Variants in TRPM2 observed in about 807,000 individuals in gnomAD.
The protein encoded by TRPM2 is estrogen-responsive element-associated gene 1 protein.
Under a neutral mutation model 174.0 loss-of-function variants are expected in TRPM2, and 161 were observed. The observed-to-expected ratio is 0.93, with a 90% CI of 0.81 to 1.05. The LOEUF (loss-of-function observed/expected upper bound fraction) is 1.05. Ranked by LOEUF, TRPM2 falls within the 50% of genes least tolerant of loss-of-function variation. The pLI, the probability that TRPM2 is intolerant of heterozygous loss-of-function variation, is 0.00. For synonymous variants in TRPM2, 954 were observed against 861.3 expected (o/e 1.11, Z -1.88); for missense variants, 2,057 against 2,038.0 (o/e 1.01, Z -0.18).
chr21:44,412,211 C>T (rs1238231380), intron 19 of TRPM2, among the ~76,000 whole-genome samples: 1 of 152,168 alleles, frequency 6.6e-6, no homozygotes, highest in East Asian at 1.9e-4. Context: ...CACCAGTGAA[C>T]TCCTCTGAGT....
At chr21:44,424,190 G>A (rs925791174) in intron 23 of TRPM2, among the ~76,000 whole-genome samples, 1 of 152,338 alleles carries the variant, frequency 6.6e-6, no homozygotes, top group African/African-American at 2.4e-5. Flanking sequence ...GGCAGCCCCT[G>A]CGGGCAGTGC....
intron 2 of TRPM2, among the ~76,000 whole-genome samples, chr21:44,357,089 CTG>C (rs1196269914): frequency 2.6e-5 from 4 of 152,174 alleles, no homozygotes; most frequent in South Asian, 2.1e-4. Flanking sequence ...TTGTCTCATC[CTG>C]TGACTTAGAA....
chr21:44,419,322 T>G (rs1049117264), intron 22 of TRPM2, among the ~76,000 whole-genome samples: 8 of 152,052 alleles, frequency 5.3e-5, no homozygotes, highest in African/African-American at 1.2e-4. Flanking sequence ...CTTAGAGACA[T>G]GTATGTACTC....
chr21:44,356,395 G>A (rs1056932272), intron 2 of TRPM2, among the ~76,000 whole-genome samples: 28 of 151,612 alleles, frequency 1.8e-4, no homozygotes, highest in African/African-American at 6.8e-4. Flanking sequence ...CCCCAAGGGC[G>A]GGTTCTTGGA....
At chr21:44,427,365 A>T (rs775943431) in intron 27 of TRPM2, among the ~76,000 whole-genome samples, 2 of 151,920 alleles carry the variant, frequency 1.3e-5, no homozygotes, top group East Asian at 3.9e-4. Flanking sequence ...GGGGACGTGG[A>T]TTTGTCTGTG....
At chr21:44,360,771 TGGTC>T (rs891521636) in intron 2 of TRPM2, among the ~76,000 whole-genome samples, 4 of 152,108 alleles carry the variant, frequency 2.6e-5, no homozygotes, top group African/African-American at 9.7e-5. Flanking sequence ...TTCACCATGT[TGGTC>T]AGGCTGGTCT....
intron 26 of TRPM2, 59 bp from the exon 27 acceptor site, chr21:44,426,951 G>GTCTGC (rs2050812236): frequency 6.6e-7 from 1 of 1,508,488 alleles, no homozygotes. Flanking sequence ...CCCTCTGCCT[G>GTCTGC]TCTGCTCTGT....
chr21:44,362,621 T>C (rs1451036489), intron 2 of TRPM2, among the ~76,000 whole-genome samples: 1 of 152,206 alleles, frequency 6.6e-6, no homozygotes, highest in Non-Finnish European at 1.5e-5. Context: ...TTTTTGTTAT[T>C]CTTTCTTCCT....
chr21:44,434,012 C>T (rs1281564959), intron 27 of TRPM2, among the ~76,000 whole-genome samples: 1 of 152,128 alleles, frequency 6.6e-6, no homozygotes, highest in East Asian at 1.9e-4. Context: ...TGGCTGGTGG[C>T]CGCCGGTGCT....
chr21:44,353,112 C>A (rs2123004666), upstream of TRPM2: 3 of 152,248 alleles, frequency 2.0e-5, no homozygotes, highest in East Asian at 3.8e-4. Flanking sequence ...GCCGAGACTG[C>A]GTCACTGAAC....
chr21:44,426,246 G>C (rs2050769225), intron 25 of TRPM2, among the ~76,000 whole-genome samples: 1 of 152,064 alleles, frequency 6.6e-6, no homozygotes, highest in South Asian at 2.1e-4. Context: ...ATGGCTAATG[G>C]CCCCTGGGAG....
At position 44,439,673 on chromosome 21, in the gene TRPM2, A is replaced by G. The variant is rs547399117; in HGVS notation, c.4269+505A>G. On this transcript the variant is annotated intron_variant, in intron 30 of 31. Coordinates refer to ENST00000397928, the MANE Select transcript of TRPM2 (RefSeq NM_003307.4). The surrounding 1 kb of genome is among the most constrained non-coding windows in gnomAD (Gnocchi z 5.1). ...TCTTTAGAAACCTCGATCTTTCCTT[A>G]GAAAGCCTCCATCTCCAGCTCTCTC... 2.5e-3 allele frequency among the ~76,000 whole-genome samples: 388 copies of G among 152,274 alleles called. 1 individual carries two copies. Among genetic ancestry groups the G allele is most frequent in the Non-Finnish European group, 2.5e-3 (172 of 68,020 alleles).
intron 25 of TRPM2, 97 bp from the exon 26 acceptor site, chr21:44,426,563 G>A: frequency 7.7e-7 from 1 of 1,294,090 alleles, no homozygotes; most frequent in Non-Finnish European, 1.1e-6. Flanking sequence ...GTTGGGGTCG[G>A]GTTCAGACCC....
Position 44,353,885 on chromosome 21 carries a change from G to A in TRPM2, c.165+20G>A, listed in dbSNP as rs777780892. ...GACAAGGTAGGCTTTCTGCTGGTCA[G>A]CCTGCAGTTGGCACGTGGCCACGGA... is the stretch of plus-strand genomic sequence containing the variant. On this transcript the variant is annotated intron_variant, in intron 1 of 31. Transcript: ENST00000397928. 4.4e-6 allele frequency: 7 copies of A among 1,592,246 alleles called. No individual in the cohort carries two copies. The East Asian group carries it at 1.2e-4, about 27-fold the overall frequency.
chr21:44,439,600 A>C lies in TRPM2; in HGVS notation c.4269+432A>C. 6.6e-6 allele frequency among the ~76,000 whole-genome samples: 1 copy of C among 152,108 alleles called. No individual in the cohort carries two copies. The highest frequency in any genetic ancestry group is 1.5e-5 in the Non-Finnish European group (1 of 68,016). On this transcript the variant is annotated intron_variant, in intron 30 of 31. Transcript: ENST00000397928. This position sits in a 1 kb window ranked among gnomAD's most constrained non-coding sequence, Gnocchi z 5.1. ...CAAGCTCTGGAGGGGCCCTTCCCAC[A>C]TGCATGCCCAGCCTGGGGACCGACT...
chr21:44,375,769 C>A, intron 5 of TRPM2, 64 bp from the exon 6 acceptor site: 1 of 1,530,180 alleles, frequency 6.5e-7, no homozygotes, highest in East Asian at 2.3e-5. Context: ...CGGTGTTCAG[C>A]CTGCTCGCGT....
intron 20 of TRPM2, among the ~76,000 whole-genome samples, chr21:44,417,156 G>A (rs1300321149): frequency 1.4e-4 from 19 of 140,188 alleles, no homozygotes; most frequent in Non-Finnish European, 1.5e-4. Context: ...GGGCACGTGG[G>A]CGTGGCTCTG....
chr21:44,386,923 C>T (rs1449309797), intron 9 of TRPM2, among the ~76,000 whole-genome samples: 7 of 152,170 alleles, frequency 4.6e-5, no homozygotes, highest in African/African-American at 9.7e-5. Context: ...GGTGTGGTGG[C>T]TCATGCCTGT....
intron 9 of TRPM2, among the ~76,000 whole-genome samples, chr21:44,383,287 C>A (rs2048934975): frequency 6.6e-6 from 1 of 152,194 alleles, no homozygotes. Flanking sequence ...AGGCCACAAA[C>A]ATCACTGTCC....
Sources: gnomAD v4.1 joint callset for allele counts (sites outside exome capture counted in the v4.1 genomes callset) on GRCh38, gnomAD v4.1.1 for gene constraint, Gnocchi (gnomAD v3.1) non-coding constraint, MANE v1.5 for transcripts, NCBI Gene and HGNC (gene_info 2026-07-23, HGNC 2026-07-21) for gene names.